The following BLTP1 variants were observed in gnomAD, a reference collection of about 807,000 sequenced individuals.
BLTP1 encodes the protein fragile site-associated protein.
the BLTP1 span, chr4:122,188,313 A>AT: frequency 1.9e-6 from 1 of 513,010 alleles, no homozygotes; most frequent in Non-Finnish European, 2.5e-6. Flanking sequence ...TATAACTATA[A>AT]TTTTTTTATC....
At chr4:122,292,530 T>A in the BLTP1 span, 23 of 826,270 alleles carry the variant, frequency 2.8e-5, no homozygotes, top group Non-Finnish European at 3.2e-5. Flanking sequence ...GTGAAAGGCT[T>A]ACATTTAGAC....
At chr4:122,201,015 A>G in the BLTP1 span, 1 of 1,611,624 alleles carries the variant, frequency 6.2e-7, no homozygotes, top group Non-Finnish European at 8.5e-7. Context: ...GCAGTTCCAC[A>G]TCAATGCCAG....
chr4:122,227,974 C>T, the BLTP1 span, among the ~76,000 whole-genome samples: 4 of 148,694 alleles, frequency 2.7e-5, no homozygotes, highest in Non-Finnish European at 4.4e-5. Flanking sequence ...AGTGCAGTGG[C>T]GCCATCTCGA....
chr4:122,309,348 A>G, the BLTP1 span: 3 of 1,613,560 alleles, frequency 1.9e-6, no homozygotes. Flanking sequence ...TGCTCTTCAG[A>G]GTCTCTGGTT....
chr4:122,324,317 G>T, the BLTP1 span: 1 of 1,117,136 alleles, frequency 9.0e-7, no homozygotes, highest in Non-Finnish European at 1.2e-6. Context: ...TAACATTAAA[G>T]TCCCCTGGGG....
At chr4:122,339,343 T>C in the BLTP1 span, 1 of 1,613,408 alleles carries the variant, frequency 6.2e-7, no homozygotes, top group Non-Finnish European at 8.5e-7. Flanking sequence ...GCAGAGACTT[T>C]ATCCCCTGGA....
At chr4:122,350,022 C>T in the BLTP1 span, 1 of 1,613,904 alleles carries the variant, frequency 6.2e-7, no homozygotes, top group African/African-American at 1.3e-5. Context: ...CAGTTCCTTA[C>T]CTTCCGCCAA....
chr4:122,244,846 T>A, the BLTP1 span: 1 of 495,628 alleles, frequency 2.0e-6, no homozygotes, highest in South Asian at 8.6e-5. Flanking sequence ...GGGGATAACC[T>A]CAGAAATGTT....
chr4:122,300,433 A>G, the BLTP1 span, among the ~76,000 whole-genome samples: 1 of 152,134 alleles, frequency 6.6e-6, no homozygotes, highest in East Asian at 1.9e-4. Flanking sequence ...ATCTTTATGT[A>G]CAAAGGTCTT....
At chr4:122,171,064 G>A in the BLTP1 span, among the ~76,000 whole-genome samples, 43 of 152,100 alleles carry the variant, frequency 2.8e-4, no homozygotes, top group Non-Finnish European at 3.4e-4. Context: ...CTTTTGTTTT[G>A]TTACAGAAAT....
chr4:122,294,559 C>T, the BLTP1 span, among the ~76,000 whole-genome samples: 2 of 152,102 alleles, frequency 1.3e-5, no homozygotes, highest in South Asian at 4.1e-4. Context: ...GAAAAATAAA[C>T]AGAAAACAGC....
the BLTP1 span, chr4:122,211,171 G>A: frequency 1.6e-5 from 20 of 1,255,994 alleles, no homozygotes; most frequent in East Asian, 5.0e-5. Context: ...AATTGAGACC[G>A]TTTGAAATAG....
chr4:122,354,312 GA>G, the BLTP1 span, among the ~76,000 whole-genome samples: 2 of 152,076 alleles, frequency 1.3e-5, no homozygotes, highest in Non-Finnish European at 2.9e-5. Context: ...AATGATTCTG[GA>G]AAAATATTTT....
chr4:122,229,765 T>A, the BLTP1 span: 962 of 956,182 alleles, frequency 1.0e-3, 4 homozygotes, highest in African/African-American at 0.015. Context: ...TCTGTTCCCT[T>A]CTTGTCCCTT....
the BLTP1 span, chr4:122,189,564 T>G: frequency 1.3e-6 from 1 of 777,906 alleles, no homozygotes; most frequent in Non-Finnish European, 1.6e-6. Context: ...TACTTATTAG[T>G]TATTAATATT....
chr4:122,267,540 A>G, the BLTP1 span: 7 of 526,748 alleles, frequency 1.3e-5, no homozygotes, highest in Non-Finnish European at 1.5e-5. Flanking sequence ...TGCACTCACC[A>G]TTTATTTACT....
chr4:122,254,886 C>T, the BLTP1 span: 1 of 1,613,804 alleles, frequency 6.2e-7, no homozygotes, highest in East Asian at 2.2e-5. Context: ...CATCTTTAAA[C>T]AAATTGGAAA....
the BLTP1 span, chr4:122,254,763 T>C: frequency 6.9e-7 from 1 of 1,454,040 alleles, no homozygotes; most frequent in Non-Finnish European, 9.1e-7. Flanking sequence ...GGAATACAAA[T>C]TTTGACACTT....
chr4:122,195,897 C>G, the BLTP1 span, among the ~76,000 whole-genome samples: 1 of 152,092 alleles, frequency 6.6e-6, no homozygotes, highest in Non-Finnish European at 1.5e-5. Context: ...GCTGACTCAA[C>G]CCTTCCTGTT....
Sources: gnomAD v4.1 joint callset for allele counts (sites outside exome capture counted in the v4.1 genomes callset) on GRCh38, gnomAD v4.1.1 for gene constraint, MANE v1.5 for transcripts, NCBI Gene and HGNC (gene_info 2026-07-23, HGNC 2026-07-21) for gene names.